The following HDAC9 variants were observed in gnomAD, a reference collection of about 807,000 sequenced individuals.
HDAC9 encodes histone deacetylase 9, also known as MEF-2 interacting transcription repressor (MITR) protein.
Under a neutral mutation model 139.4 loss-of-function variants are expected in HDAC9, and 41 were observed. The ratio of observed to expected loss-of-function variants is 0.29; its 90% confidence interval spans 0.23 to 0.38. The LOEUF is 0.38. Ranked by LOEUF, HDAC9 falls within the 10% of genes least tolerant of loss-of-function variation. The probability of loss-of-function intolerance (pLI) is 1.00; values close to 1 mark genes in which losing one functional copy is unlikely to be tolerated. For synonymous variants in HDAC9, 517 were observed against 476.2 expected (o/e 1.09, Z -1.12); for missense variants, 1,147 against 1,297.0 (o/e 0.88, Z 1.78).
intron 2 of HDAC9, among the ~76,000 whole-genome samples, chr7:18,180,264 C>T (rs183242775): frequency 8.2e-4 from 116 of 141,682 alleles, no homozygotes; most frequent in Admixed American, 5.4e-3. Context: ...CACACACACA[C>T]ACACACACAC....
At chr7:18,934,975 A>T (rs1457033646) in intron 22 of HDAC9, among the ~76,000 whole-genome samples, 3 of 152,200 alleles carry the variant, frequency 2.0e-5, no homozygotes, top group African/African-American at 7.2e-5. Context: ...CAGCAAAAAA[A>T]CTATAGCTAC....
At chr7:18,745,809 G>C (rs541899549) in intron 13 of HDAC9, among the ~76,000 whole-genome samples, 3 of 150,694 alleles carry the variant, frequency 2.0e-5, no homozygotes, top group Non-Finnish European at 1.5e-5. Context: ...GCCTCCCAAA[G>C]TGCTGGGATT....
chr7:18,967,106 T>G (rs146738921), intron 24 of HDAC9, among the ~76,000 whole-genome samples: 1 of 152,198 alleles, frequency 6.6e-6, no homozygotes, highest in Non-Finnish European at 1.5e-5. Context: ...GAAGACACAA[T>G]GCTGTTAAAG....
At chr7:18,255,156 C>T (rs1034464548) in intron 2 of HDAC9, among the ~76,000 whole-genome samples, 4 of 152,112 alleles carry the variant, frequency 2.6e-5, no homozygotes, top group Admixed American at 6.5e-5. Context: ...TAGTAGGGAG[C>T]CCAGTAGGTG....
intron 1 of HDAC9, among the ~76,000 whole-genome samples, chr7:18,427,713 T>TA (rs1272735541): frequency 5.3e-5 from 8 of 151,070 alleles, no homozygotes; most frequent in East Asian, 3.9e-4. Flanking sequence ...TTTTTTTTTT[T>TA]AAATATTTTC....
intron 1 of HDAC9, among the ~76,000 whole-genome samples, chr7:18,116,852 C>G (rs1784025174): frequency 6.6e-6 from 1 of 152,154 alleles, no homozygotes; most frequent in Non-Finnish European, 1.5e-5. Flanking sequence ...GGCATTGACT[C>G]AGACTAAATA....
intron 2 of HDAC9, among the ~76,000 whole-genome samples, chr7:18,256,178 A>G (rs1291271067): frequency 2.0e-5 from 3 of 152,192 alleles, no homozygotes; most frequent in Admixed American, 6.5e-5. Flanking sequence ...AATGCCCCGT[A>G]TTTTAGGGTT....
chr7:18,397,432 G>A (rs1787162777), intron 1 of HDAC9, among the ~76,000 whole-genome samples: 1 of 152,036 alleles, frequency 6.6e-6, no homozygotes, highest in South Asian at 2.1e-4. Flanking sequence ...CTTCATTAAG[G>A]CAAATCAGCA....
chr7:18,219,491 C>T (rs1165606373), intron 2 of HDAC9, among the ~76,000 whole-genome samples: 2 of 147,946 alleles, frequency 1.4e-5, no homozygotes, highest in East Asian at 3.9e-4. Context: ...TGAGAAGATG[C>T]TTTTTTTTTT....
chr7:18,656,582 G>A (rs572865088), intron 11 of HDAC9, among the ~76,000 whole-genome samples: 16 of 152,132 alleles, frequency 1.1e-4, no homozygotes, highest in African/African-American at 3.1e-4. Flanking sequence ...CAACCTTTTT[G>A]TTTAATAATT....
intron 22 of HDAC9, among the ~76,000 whole-genome samples, chr7:18,904,925 G>A (rs1802085416): frequency 1.3e-5 from 2 of 150,784 alleles, no homozygotes; most frequent in East Asian, 3.9e-4. Context: ...TTTTCTCAAA[G>A]TCTTGGTCTA....
At chr7:18,841,148 G>A (rs551357967) in intron 21 of HDAC9, among the ~76,000 whole-genome samples, 1 of 151,872 alleles carries the variant, frequency 6.6e-6, no homozygotes, top group South Asian at 2.1e-4. Context: ...TCATTATTCT[G>A]GCTAATTCTT....
intron 2 of HDAC9, among the ~76,000 whole-genome samples, chr7:18,243,471 A>C (rs1794323233): frequency 6.6e-6 from 1 of 152,202 alleles, no homozygotes; most frequent in African/African-American, 2.4e-5. Context: ...CCAGTCACAC[A>C]GTGATGACTT....
chr7:18,284,961 G>T (rs997314604), intron 2 of HDAC9, among the ~76,000 whole-genome samples: 1 of 152,164 alleles, frequency 6.6e-6, no homozygotes, highest in Admixed American at 6.5e-5. Context: ...CCACATTAAA[G>T]TTGGGTGGAT....
At chr7:18,188,096 C>T (rs1030027474) in intron 2 of HDAC9, among the ~76,000 whole-genome samples, 5 of 152,176 alleles carry the variant, frequency 3.3e-5, no homozygotes, top group Non-Finnish European at 7.4e-5. Flanking sequence ...TGATTTCAAA[C>T]TATACTACAA....
intron 6 of HDAC9, among the ~76,000 whole-genome samples, chr7:18,599,921 A>C (rs1833499892): frequency 6.6e-6 from 1 of 152,174 alleles, no homozygotes; most frequent in South Asian, 2.1e-4. Flanking sequence ...GACCACTAGC[A>C]ATATAACAGA....
chr7:18,604,186 T>C (rs910394016), intron 6 of HDAC9, among the ~76,000 whole-genome samples: 2 of 152,170 alleles, frequency 1.3e-5, no homozygotes, highest in Non-Finnish European at 2.9e-5. Context: ...TTCCCAGCCA[T>C]TATTATGTCA....
intron 2 of HDAC9, among the ~76,000 whole-genome samples, chr7:18,555,423 T>A (rs1367925095): frequency 6.6e-6 from 1 of 152,164 alleles, no homozygotes; most frequent in African/African-American, 2.4e-5. Context: ...TAATGGATAA[T>A]TTTGGGACAA....
intron 13 of HDAC9, among the ~76,000 whole-genome samples, chr7:18,741,021 A>T (rs762518413): frequency 2.0e-5 from 3 of 152,208 alleles, no homozygotes; most frequent in African/African-American, 4.8e-5. Flanking sequence ...GTTGAAAGCC[A>T]GCAGAGGTTG....
Sources: gnomAD v4.1 joint callset for allele counts (sites outside exome capture counted in the v4.1 genomes callset) on GRCh38, gnomAD v4.1.1 for gene constraint, MANE v1.5 for transcripts, NCBI Gene and HGNC (gene_info 2026-07-23, HGNC 2026-07-21) for gene names.